RICTOR: variants seen among roughly 807,000 people sequenced by gnomAD.
RICTOR encodes rapamycin-insensitive companion of mTOR.
RICTOR carries 49 observed loss-of-function variants against 214.9 expected under a neutral mutation model. That is an observed-to-expected ratio of 0.23 (90% CI 0.18 to 0.29). The LOEUF (loss-of-function observed/expected upper bound fraction) is 0.29. Ranked by LOEUF, RICTOR falls within the 10% of genes least tolerant of loss-of-function variation. The pLI is 1.00. For synonymous variants in RICTOR, 717 were observed against 711.3 expected, an observed-to-expected ratio of 1.01 and a Z score of -0.13; for missense variants, 1,625 against 2,047.0, an observed-to-expected ratio of 0.79 and a Z score of 3.98.
intron 3 of RICTOR, among the ~76,000 whole-genome samples, chr5:39,013,995 T>A (rs1242220827): frequency 2.6e-5 from 4 of 152,178 alleles, no homozygotes; most frequent in African/African-American, 7.2e-5. Context: ...ATTTTTACTG[T>A]ATCTTTTCTA....
At chr5:39,039,585 T>C (rs1757010787) in intron 2 of RICTOR, among the ~76,000 whole-genome samples, 1 of 152,054 alleles carries the variant, frequency 6.6e-6, no homozygotes, top group Non-Finnish European at 1.5e-5. Flanking sequence ...AGGGCTAATA[T>C]CCAGAATCTA....
chr5:38,971,549 T>TTTC (rs1277295805), intron 11 of RICTOR: 1 of 158,296 alleles, frequency 6.3e-6, no homozygotes, highest in Non-Finnish European at 1.4e-5. Flanking sequence ...ATTTTTGTAT[T>TTTC]TTTTTTTTTT....
At chr5:38,946,801 A>G (rs1748257689) in intron 32 of RICTOR, among the ~76,000 whole-genome samples, 1 of 152,170 alleles carries the variant, frequency 6.6e-6, no homozygotes, top group Admixed American at 6.6e-5. Flanking sequence ...ACTTCTAAGA[A>G]AATGTGTTCT....
chr5:38,996,712 G>A (rs1239322206), intron 6 of RICTOR, 107 bp downstream of exon 6: 1 of 621,738 alleles, frequency 1.6e-6, no homozygotes. Context: ...TTTAATAAAA[G>A]TTTAGTCTTT....
At chr5:39,030,596 A>G (rs947456677) in intron 2 of RICTOR, among the ~76,000 whole-genome samples, 2 of 152,184 alleles carry the variant, frequency 1.3e-5, no homozygotes, top group African/African-American at 4.8e-5. Context: ...GTAAAAAAAC[A>G]GGTGAACAGT....
intron 2 of RICTOR, among the ~76,000 whole-genome samples, chr5:39,046,053 A>G (rs896752337): frequency 1.3e-5 from 2 of 151,060 alleles, no homozygotes; most frequent in African/African-American, 2.4e-5. Flanking sequence ...ATAAATAAAT[A>G]AATAAATAAA....
chr5:39,036,309 G>A (rs1756688110), intron 2 of RICTOR, among the ~76,000 whole-genome samples: 1 of 152,164 alleles, frequency 6.6e-6, no homozygotes, highest in East Asian at 1.9e-4. Flanking sequence ...AAGAGCTCCT[G>A]AAGGAAGCAC....
chr5:39,063,520 T>C (rs1758690119), intron 2 of RICTOR, among the ~76,000 whole-genome samples: 1 of 152,214 alleles, frequency 6.6e-6, no homozygotes, highest in African/African-American at 2.4e-5. Context: ...ATTGTCATTA[T>C]ATCTTCACTT....
At chr5:39,039,096 A>G (rs1756969710) in intron 2 of RICTOR, among the ~76,000 whole-genome samples, 2 of 152,246 alleles carry the variant, frequency 1.3e-5, no homozygotes, top group Admixed American at 1.3e-4. Flanking sequence ...CCAAAACAGC[A>G]TGGTACTGGT....
chr5:39,033,237 G>A (rs149550175), intron 2 of RICTOR, among the ~76,000 whole-genome samples: 38 of 151,870 alleles, frequency 2.5e-4, no homozygotes, highest in Admixed American at 9.8e-4. Flanking sequence ...TGTGTTGTTG[G>A]CTTCTTGTAC....
At position 38,962,967 on chromosome 5, in the gene RICTOR, A is replaced by T. The variant is rs1362151364; in HGVS notation, c.1475T>A (p.Leu492His). Residue 492 changes from leucine (L) to histidine (H), a missense_variant, in exon 17 of 38, where the codon CTT becomes CAT. Leu to His is a moderately conservative substitution (Grantham distance 99). Transcript: ENST00000357387. ...MKKRGPKPYS[L>H]HLDHIIQKAI... ...TTTCTGAATAATGTGGTCTAAATGA[A>T]GACTATAAGGCTTAGGTCCTCGTTT... is the stretch of plus-strand genomic sequence containing the variant. 6.2e-7 allele frequency: 1 copy of T among 1,612,880 alleles called. No individual in the cohort carries two copies. The highest frequency in any genetic ancestry group is 8.5e-7 in the Non-Finnish European group (1 of 1,179,016).
chr5:38,993,928 A>T (rs1301286580), intron 6 of RICTOR, among the ~76,000 whole-genome samples: 1 of 152,194 alleles, frequency 6.6e-6, no homozygotes, highest in African/African-American at 2.4e-5. Flanking sequence ...CACGCCTGTA[A>T]TCCCAGCACT....
intron 3 of RICTOR, among the ~76,000 whole-genome samples, chr5:39,018,297 G>C (rs571010490): frequency 6.6e-6 from 1 of 152,130 alleles, no homozygotes; most frequent in East Asian, 1.9e-4. Context: ...ACAACATCAG[G>C]AAAAGAGAAA....
Position 38,942,265 on chromosome 5 carries a change from T to C in RICTOR, c.*39A>G, listed in dbSNP as rs925197035. 2.5e-6 allele frequency: 3 copies of C among 1,197,648 alleles called. No homozygotes were observed. Among genetic ancestry groups the C allele is most frequent in the African/African-American group, 1.5e-5 (1 of 67,094 alleles). The allele number at this position is 1,197,648 out of a possible 1,614,324, so 74.2% of individuals were successfully genotyped here. A position where few individuals can be genotyped will look rare whatever the true frequency, so the allele number is the denominator to read the frequency against. On this transcript the variant is annotated 3_prime_UTR_variant, in exon 38 of 38. Transcript: ENST00000357387. ...CTTTTAGGAAATCCACAAATATGAATATATATAGTATGTATCTATATCCAT... is the reference window on the plus strand; with the variant it reads ...CTTTTAGGAAATCCACAAATATGAACATATATAGTATGTATCTATATCCAT...
At chr5:39,047,155 A>G (rs1757551612) in intron 2 of RICTOR, among the ~76,000 whole-genome samples, 2 of 152,200 alleles carry the variant, frequency 1.3e-5, no homozygotes, top group African/African-American at 2.4e-5. Context: ...AGTAGTCATC[A>G]AGTATCACTG....
chr5:39,073,032 C>A (rs1759432405), intron 2 of RICTOR, among the ~76,000 whole-genome samples: 1 of 152,216 alleles, frequency 6.6e-6, no homozygotes. Context: ...CCGTTGTCAA[C>A]AAGGAGCCCA....
chr5:38,942,449 C>A, intron 37 of RICTOR, 71 bp from the exon 38 acceptor site: 14 of 790,974 alleles, frequency 1.8e-5, no homozygotes, highest in Non-Finnish European at 2.7e-5. Flanking sequence ...ATATAAATAT[C>A]TAATTTTTTT....
chr5:39,030,657 A>G (rs200658455), intron 2 of RICTOR, among the ~76,000 whole-genome samples: 211 of 152,302 alleles, frequency 1.4e-3, no homozygotes, highest in African/African-American at 4.8e-3. Flanking sequence ...TTATGAGGAC[A>G]AGGACATCTT....
intron 8 of RICTOR, chr5:38,981,645 C>T (rs1454652044): frequency 2.0e-5 from 8 of 392,026 alleles, no homozygotes; most frequent in Non-Finnish European, 3.6e-5. Context: ...ATAGATAATA[C>T]AAAAATAAAA....
Sources: gnomAD v4.1 joint callset for allele counts (sites outside exome capture counted in the v4.1 genomes callset) on GRCh38, gnomAD v4.1.1 for gene constraint, MANE v1.5 for transcripts, NCBI Gene and HGNC (gene_info 2026-07-23, HGNC 2026-07-21) for gene names.